The following NECAB1 variants were observed in gnomAD, a reference collection of about 807,000 sequenced individuals.
The protein encoded by NECAB1 is N-terminal EF-hand calcium binding protein 1, also known as N-terminal EF-hand calcium-binding protein 1.
A neutral mutation model predicts 57.5 loss-of-function variants in NECAB1; 29 were observed. The observed-to-expected ratio is 0.50, with a 90% CI of 0.38 to 0.69. The LOEUF (loss-of-function observed/expected upper bound fraction) is 0.69. Among genes scored for constraint, NECAB1 ranks in the 30% least tolerant of loss-of-function variants. NECAB1 has a pLI of 0.00. For synonymous variants in NECAB1, 142 were observed against 147.7 expected (o/e 0.96, Z 0.28); for missense variants, 372 against 413.8 (o/e 0.90, Z 0.88).
In NECAB1 at chr8:90,881,141, G is replaced by A. The variant is rs902309938; in HGVS notation, c.357+11G>A. The A allele has an allele frequency of 6.5e-7, 1 of 1,529,778 alleles. No homozygotes were observed. Among genetic ancestry groups the A allele is most frequent in the Non-Finnish European group, 8.9e-7 (1 of 1,124,570 alleles). 94.8% of individuals were successfully genotyped at this position (1,529,778 alleles called of 1,614,324 possible). ...GGCAAAACAAAGAAAGTAAGAAAAT[G>A]TTAATGTTTATTTTCTATAAAAATC... On this transcript the variant is annotated intron_variant, in intron 5 of 12. Coordinates refer to ENST00000417640, the MANE Select transcript of NECAB1 (RefSeq NM_022351.5).
chr8:90,840,238 C>A (rs780625250), intron 3 of NECAB1, among the ~76,000 whole-genome samples: 14 of 152,314 alleles, frequency 9.2e-5, no homozygotes, highest in Admixed American at 2.0e-4. Flanking sequence ...CCCTAATCTC[C>A]ATAATAACAT....
intron 7 of NECAB1, among the ~76,000 whole-genome samples, chr8:90,926,332 A>G (rs1332397792): frequency 6.6e-6 from 1 of 152,196 alleles, no homozygotes; most frequent in Non-Finnish European, 1.5e-5. Context: ...GCTATATTCT[A>G]TATTTTCACC....
chr8:90,939,287 C>T (rs938527900), intron 9 of NECAB1, among the ~76,000 whole-genome samples: 4 of 152,150 alleles, frequency 2.6e-5, no homozygotes, highest in Non-Finnish European at 5.9e-5. Context: ...AGTGGAAATC[C>T]ACCGGCCTCT....
At chr8:90,838,124 AATT>A (rs1435522545) in intron 3 of NECAB1, among the ~76,000 whole-genome samples, 1 of 152,192 alleles carries the variant, frequency 6.6e-6, no homozygotes, top group Non-Finnish European at 1.5e-5. Context: ...ATGTACGAAA[AATT>A]ATTATCCTTG....
chr8:90,947,123 T>C (rs1211426962), intron 10 of NECAB1, among the ~76,000 whole-genome samples: 1 of 152,126 alleles, frequency 6.6e-6, no homozygotes, highest in Non-Finnish European at 1.5e-5. Flanking sequence ...TTGCTGCTTC[T>C]CATTGCTTTA....
rs111593758 is a variant in NECAB1, at chr8:90,861,656, T to A, written c.234-10472T>A. Among the ~76,000 whole-genome samples the A allele has an allele frequency of 1.7e-4, 26 of 152,334 alleles. 1 individual carries two copies. Among genetic ancestry groups the A allele is most frequent in the African/African-American group, 6.0e-4 (25 of 41,576 alleles). On this transcript the variant is annotated intron_variant, in intron 3 of 12. Transcript: ENST00000417640. ...ACCACTTTAGTGGATACTAATTATG[T>A]ATTAAGCACTGGGCTAAAGACATTG...
chr8:90,940,850 C>A lies in NECAB1; in HGVS notation c.812C>A (p.Ala271Asp). Residue 271 changes from alanine to aspartate, a missense_variant, in exon 10 of 13, where the codon GCT becomes GAT. Transcript: ENST00000417640. ...IEEDLEEFQLALKHYVESASS... is the reference protein window; with the variant it reads ...IEEDLEEFQLDLKHYVESASS... Reference sequence around the variant, plus strand: ...GAGGACCTGGAAGAATTCCAGCTCGCTCTGAAACACTACGTGGAGAGTGCT... The same window carrying A: ...GAGGACCTGGAAGAATTCCAGCTCGATCTGAAACACTACGTGGAGAGTGCT... 5 of 1,563,396 alleles carry A rather than the reference C, an allele frequency of 3.2e-6. No individual in the cohort carries two copies. Among genetic ancestry groups the A allele is most frequent in the Non-Finnish European group, 4.3e-6 (5 of 1,153,470 alleles).
intron 2 of NECAB1, among the ~76,000 whole-genome samples, chr8:90,812,203 A>C (rs965922419): frequency 1.3e-5 from 2 of 152,220 alleles, no homozygotes; most frequent in African/African-American, 2.4e-5. Context: ...TCTACCTCTA[A>C]TGCCTGTGTT....
At chr8:90,850,235 C>G (rs1459577602) in intron 3 of NECAB1, among the ~76,000 whole-genome samples, 2 of 152,130 alleles carry the variant, frequency 1.3e-5, no homozygotes, top group East Asian at 3.8e-4. Context: ...TTTTAAGGCC[C>G]ATTTTCATAA....
intron 5 of NECAB1, among the ~76,000 whole-genome samples, chr8:90,911,890 G>A (rs968714545): frequency 2.0e-5 from 3 of 152,176 alleles, no homozygotes; most frequent in African/African-American, 7.2e-5. Context: ...ACCCTACTGT[G>A]TGTGCCACAT....
At chr8:90,914,876 A>G (rs1277017186) in intron 5 of NECAB1, among the ~76,000 whole-genome samples, 1 of 152,232 alleles carries the variant, frequency 6.6e-6, no homozygotes, top group Non-Finnish European at 1.5e-5. Context: ...CTACTCCACC[A>G]TAAGGGATAC....
intron 9 of NECAB1, among the ~76,000 whole-genome samples, chr8:90,937,939 G>T (rs1810578095): frequency 6.6e-6 from 1 of 152,122 alleles, no homozygotes; most frequent in African/African-American, 2.4e-5. Flanking sequence ...CAAAATATAA[G>T]TCTTGTTTTA....
chr8:90,950,316 T>C (rs149612955), intron 11 of NECAB1, among the ~76,000 whole-genome samples: 2 of 152,262 alleles, frequency 1.3e-5, no homozygotes, highest in East Asian at 1.9e-4. Flanking sequence ...TTTAGAGTCA[T>C]TGCAGCCCAA....
intron 6 of NECAB1, among the ~76,000 whole-genome samples, chr8:90,924,222 C>G (rs924513056): frequency 1.3e-5 from 2 of 152,158 alleles, no homozygotes; most frequent in African/African-American, 4.8e-5. Flanking sequence ...ATCTAGAAAT[C>G]TGTATGCCAT....
At chr8:90,942,838 C>T (rs1022904287) in intron 10 of NECAB1, among the ~76,000 whole-genome samples, 9 of 152,174 alleles carry the variant, frequency 5.9e-5, no homozygotes, top group South Asian at 2.1e-4. Context: ...GCCGAGATCG[C>T]GCTACTGCAC....
At chr8:90,872,367 TAGA>T (rs945276033) in intron 4 of NECAB1, 30 of 450,526 alleles carry the variant, frequency 6.7e-5, no homozygotes, top group African/African-American at 2.2e-4. Flanking sequence ...AGTTCGTTCA[TAGA>T]AGAAGAATTG....
At chr8:90,817,897 T>C (rs1477262693) in intron 2 of NECAB1, among the ~76,000 whole-genome samples, 1 of 151,932 alleles carries the variant, frequency 6.6e-6, no homozygotes, top group Non-Finnish European at 1.5e-5. Context: ...CATTTGTTGC[T>C]TACATGCTTG....
At chr8:90,849,183 T>C (rs1812631282) in intron 3 of NECAB1, among the ~76,000 whole-genome samples, 1 of 152,092 alleles carries the variant, frequency 6.6e-6, no homozygotes, top group African/African-American at 2.4e-5. Flanking sequence ...TCTAATCAAG[T>C]ACAGGCCTGG....
At chr8:90,804,780 G>C (rs1811820326) in intron 2 of NECAB1, among the ~76,000 whole-genome samples, 1 of 152,146 alleles carries the variant, frequency 6.6e-6, no homozygotes. Flanking sequence ...TGTAAAGTTG[G>C]AGGGAAGCAG....
Sources: gnomAD v4.1 joint callset for allele counts (sites outside exome capture counted in the v4.1 genomes callset) on GRCh38, gnomAD v4.1.1 for gene constraint, MANE v1.5 for transcripts, NCBI Gene and HGNC (gene_info 2026-07-23, HGNC 2026-07-21) for gene names.